The following GALNT10 variants were observed in gnomAD, a reference collection of about 807,000 sequenced individuals.
GALNT10 encodes GalNAc transferase 10.
A neutral mutation model predicts 75.0 loss-of-function variants in GALNT10; 41 were observed. The observed-to-expected ratio is 0.55, with a 90% CI of 0.43 to 0.71. The LOEUF is 0.71. Ranked by LOEUF, GALNT10 falls within the 30% of genes least tolerant of loss-of-function variation. The pLI is 0.00. For synonymous variants in GALNT10, 302 were observed against 313.0 expected (o/e 0.96, Z 0.37); for missense variants, 727 against 818.5 (o/e 0.89, Z 1.36).
chr5:154,351,197 T>A (rs1755200213), intron 4 of GALNT10, among the ~76,000 whole-genome samples: 1 of 152,242 alleles, frequency 6.6e-6, no homozygotes, highest in Non-Finnish European at 1.5e-5. Flanking sequence ...AAGAAAATAA[T>A]GTTATTGTTA....
At chr5:154,249,558 C>G (rs2113673409) in intron 1 of GALNT10, among the ~76,000 whole-genome samples, 1 of 152,186 alleles carries the variant, frequency 6.6e-6, no homozygotes, top group African/African-American at 2.4e-5. Context: ...AAGGCCAACT[C>G]CAGCCCCCCC....
At chr5:154,349,112 T>A (rs1449619069) in intron 4 of GALNT10, among the ~76,000 whole-genome samples, 2 of 152,198 alleles carry the variant, frequency 1.3e-5, no homozygotes, top group African/African-American at 4.8e-5. Flanking sequence ...TTATTTATAT[T>A]ATTTTAAATA....
intron 1 of GALNT10, among the ~76,000 whole-genome samples, chr5:154,197,128 G>A (rs1372768651): frequency 1.3e-5 from 2 of 151,774 alleles, no homozygotes; most frequent in African/African-American, 4.8e-5. Context: ...TTGTTGCTGA[G>A]GACGGCTTGG....
At chr5:154,362,392 T>A (rs1055015253) in intron 4 of GALNT10, among the ~76,000 whole-genome samples, 1 of 152,158 alleles carries the variant, frequency 6.6e-6, no homozygotes, top group Non-Finnish European at 1.5e-5. Flanking sequence ...CAGCATTCAG[T>A]GTGCTTTCAG....
chr5:154,301,137 A>G (rs1055759722), intron 3 of GALNT10, among the ~76,000 whole-genome samples: 1 of 152,238 alleles, frequency 6.6e-6, no homozygotes, highest in Non-Finnish European at 1.5e-5. Flanking sequence ...GTCCCTCAAT[A>G]GAATTCAGGG....
At chr5:154,192,606 A>G (rs1292017910) in intron 1 of GALNT10, among the ~76,000 whole-genome samples, 1 of 152,220 alleles carries the variant, frequency 6.6e-6, no homozygotes, top group Non-Finnish European at 1.5e-5. Context: ...TTATTGGTCC[A>G]GTTCTAACAT....
intron 4 of GALNT10, among the ~76,000 whole-genome samples, chr5:154,372,223 G>A (rs912099290): frequency 5.3e-5 from 8 of 152,182 alleles, no homozygotes; most frequent in African/African-American, 1.9e-4. Context: ...CAAAATGAGG[G>A]TACTAATTAG....
chr5:154,366,396 A>G (rs1755475099), intron 4 of GALNT10, among the ~76,000 whole-genome samples: 1 of 152,092 alleles, frequency 6.6e-6, no homozygotes, highest in South Asian at 2.1e-4. Context: ...GAGAAGGTTG[A>G]AAACCCCTGA....
At chr5:154,257,621 C>T (rs935480612) in intron 1 of GALNT10, among the ~76,000 whole-genome samples, 4 of 151,266 alleles carry the variant, frequency 2.6e-5, no homozygotes, top group African/African-American at 9.7e-5. Context: ...TGCAGTGAGC[C>T]GAGATCGCAC....
chr5:154,250,577 C>T (rs1277071430), intron 1 of GALNT10, among the ~76,000 whole-genome samples: 1 of 152,136 alleles, frequency 6.6e-6, no homozygotes, highest in African/African-American at 2.4e-5. Context: ...ATGGCTGGTG[C>T]AGTTCCAGAC....
At position 154,386,368 on chromosome 5, in the gene GALNT10, C is replaced by T. The variant is rs1755806318; in HGVS notation, c.994C>T (p.Leu332Phe). 3.1e-6 allele frequency: 5 copies of T among 1,613,970 alleles called. No individual in the cohort carries two copies. The Admixed American group carries it at 6.7e-5, about 22-fold the overall frequency. Residue 332 changes from leucine to phenylalanine, a missense_variant, in exon 7 of 12, where the codon CTC becomes TTC. Physicochemically the swap from Leu to Phe is conservative, Grantham distance 22 (BLOSUM62 0). Transcript: ENST00000297107. Reference sequence around the variant, plus strand: ...CGTGGATCGGAAGTGGTTCTGGGAACTCGGCGGGTATGACCCAGGCTTGGA... The same window carrying T: ...CGTGGATCGGAAGTGGTTCTGGGAATTCGGCGGGTATGACCCAGGCTTGGA... ...FAVDRKWFWELGGYDPGLEIW... is the reference protein window; with the variant it reads ...FAVDRKWFWEFGGYDPGLEIW...
intron 3 of GALNT10, among the ~76,000 whole-genome samples, chr5:154,322,859 C>T (rs927651905): frequency 3.9e-5 from 6 of 152,172 alleles, no homozygotes; most frequent in Admixed American, 2.0e-4. Context: ...TCAAGAGATA[C>T]GGAGACAAAA....
At chr5:154,338,011 G>C in intron 4 of GALNT10, 1 of 1,541,262 alleles carries the variant, frequency 6.5e-7, no homozygotes, top group Non-Finnish European at 8.8e-7. Context: ...CCACTGCCTC[G>C]ATCAGTCATG....
At position 154,224,807 on chromosome 5, in the gene GALNT10, G is replaced by A. The variant is rs564754191; in HGVS notation, c.159+33782G>A. Among the ~76,000 whole-genome samples, 6 of 138,474 alleles carry A rather than the reference G, an allele frequency of 4.3e-5. No individual in the cohort carries two copies. The East Asian group carries it at 1.4e-3, about 31-fold the overall frequency. The allele number at this position is 138,474 out of a possible 152,430, so 90.8% of individuals were successfully genotyped here. On this transcript the variant is annotated intron_variant, in intron 1 of 11. Transcript: ENST00000297107. ...TTTTTTTTTTTTTTTTTGAGATGGA[G>A]TCTCGCTCTGTCTCCCAGGTTAGAG...
intron 3 of GALNT10, among the ~76,000 whole-genome samples, chr5:154,301,101 C>T (rs114111401): frequency 2.0e-5 from 3 of 152,144 alleles, no homozygotes; most frequent in Admixed American, 6.5e-5. Context: ...TCTTTTTCAT[C>T]GAAGAGTCCT....
intron 7 of GALNT10, among the ~76,000 whole-genome samples, chr5:154,391,337 G>A (rs150235389): frequency 1.3e-5 from 2 of 152,164 alleles, no homozygotes; most frequent in African/African-American, 4.8e-5. Context: ...CAATCAACAC[G>A]TACCTTCAGG....
Position 154,374,358 on chromosome 5 carries a change from T to C in GALNT10, c.569-1919T>C, listed in dbSNP as rs536721464. ...CTTTTCTCTGTATTCTAATTTCTCC[T>C]GCCTACAAGATGCCAGACAACATAA... On this transcript the variant is annotated intron_variant, in intron 4 of 11. Transcript: ENST00000297107. 2.0e-5 allele frequency among the ~76,000 whole-genome samples: 3 copies of C among 152,344 alleles called. No homozygotes were observed. In the South Asian group the frequency reaches 6.2e-4, roughly 32 times the overall value.
chr5:154,355,742 A>C (rs1755281422), intron 4 of GALNT10, among the ~76,000 whole-genome samples: 1 of 152,218 alleles, frequency 6.6e-6, no homozygotes, highest in African/African-American at 2.4e-5. Flanking sequence ...GCTGGGGCTA[A>C]GTGACAAAAC....
At chr5:154,275,384 T>C (rs1292935999) in intron 1 of GALNT10, among the ~76,000 whole-genome samples, 1 of 152,232 alleles carries the variant, frequency 6.6e-6, no homozygotes, top group African/African-American at 2.4e-5. Context: ...GCCAGGTGCA[T>C]GCTCAGTAGA....
Sources: allele counts gnomAD v4.1 joint callset (sites outside exome capture counted in the v4.1 genomes callset), GRCh38; gene constraint gnomAD v4.1.1; transcripts MANE v1.5; gene names NCBI Gene and HGNC (gene_info 2026-07-23, HGNC 2026-07-21).